SOX5: variants seen among roughly 807,000 people sequenced by gnomAD.
The protein encoded by SOX5 is SRY-box transcription factor 5.
SOX5 carries 9 observed loss-of-function variants against 92.0 expected under a neutral mutation model. The observed-to-expected ratio is 0.10, with a 90% CI of 0.06 to 0.17. The LOEUF (loss-of-function observed/expected upper bound fraction) is 0.17, where lower values mean the gene tolerates loss of function less well. Ranked by LOEUF, SOX5 falls within the 10% of genes least tolerant of loss-of-function variation. SOX5 has a pLI of 1.00. For synonymous variants in SOX5, 344 were observed against 336.3 expected (o/e 1.02, Z -0.25); for missense variants, 642 against 944.5 (o/e 0.68, Z 4.20).
chr12:23,847,782 G>C (rs138363850), intron 2 of SOX5, among the ~76,000 whole-genome samples: 1 of 151,980 alleles, frequency 6.6e-6, no homozygotes, highest in African/African-American at 2.4e-5. Flanking sequence ...ACTATGCCTT[G>C]AGTGAATATT....
intron 3 of SOX5, among the ~76,000 whole-genome samples, chr12:23,782,413 G>A (rs1481769614): frequency 2.0e-5 from 3 of 152,138 alleles, no homozygotes; most frequent in Admixed American, 6.5e-5. Context: ...CAGAATGACT[G>A]TGGAAACCTT....
At chr12:24,405,028 G>A (rs147675106) in intron 1 of SOX5, among the ~76,000 whole-genome samples, 47 of 152,222 alleles carry the variant, frequency 3.1e-4, no homozygotes, top group South Asian at 1.7e-3. Flanking sequence ...GAAGGGCCCA[G>A]AACAGATTCT....
At chr12:24,083,726 G>A (rs1943635786) in intron 4 of SOX5, among the ~76,000 whole-genome samples, 1 of 152,030 alleles carries the variant, frequency 6.6e-6, no homozygotes, top group Non-Finnish European at 1.5e-5. Context: ...GTTTGGGAAA[G>A]AGTAGAGGAG....
chr12:23,581,679 C>T (rs1286009610), intron 9 of SOX5, among the ~76,000 whole-genome samples: 1 of 151,862 alleles, frequency 6.6e-6, no homozygotes, highest in Non-Finnish European at 1.5e-5. Context: ...AACCAAAGGA[C>T]ATTTAGGCAT....
chr12:23,781,132 C>T (rs1275848743), intron 3 of SOX5, among the ~76,000 whole-genome samples: 1 of 152,054 alleles, frequency 6.6e-6, no homozygotes, highest in Admixed American at 6.6e-5. Flanking sequence ...CAACAGTCCC[C>T]ATATTTTGGA....
intron 2 of SOX5, among the ~76,000 whole-genome samples, chr12:24,336,392 C>T (rs1349813227): frequency 1.3e-5 from 2 of 152,092 alleles, no homozygotes; most frequent in Non-Finnish European, 2.9e-5. Flanking sequence ...CGCGTCCAGC[C>T]GGGTATATGG....
intron 6 of SOX5, among the ~76,000 whole-genome samples, chr12:23,666,111 ACT>A (rs1173152451): frequency 6.0e-5 from 9 of 149,682 alleles, no homozygotes; most frequent in Non-Finnish European, 1.2e-4. Flanking sequence ...CTAAAACTTT[ACT>A]CTTTTTTTTT....
intron 3 of SOX5, among the ~76,000 whole-genome samples, chr12:24,240,927 A>T (rs991163241): frequency 3.0e-4 from 45 of 152,346 alleles, no homozygotes; most frequent in African/African-American, 9.9e-4. Flanking sequence ...AATAATGTGT[A>T]ACTCAAATAT....
intron 1 of SOX5, among the ~76,000 whole-genome samples, chr12:23,923,429 C>A (rs1033477997): frequency 1.3e-5 from 2 of 152,188 alleles, no homozygotes; most frequent in South Asian, 4.1e-4. Context: ...GGTAGACAAA[C>A]AGCTAGATAA....
At chr12:24,548,447 G>A (rs975147890) in intron 1 of SOX5, among the ~76,000 whole-genome samples, 27 of 152,312 alleles carry the variant, frequency 1.8e-4, no homozygotes, top group African/African-American at 6.3e-4. Context: ...CGAGGGAGAA[G>A]CGTTGTACAA....
intron 6 of SOX5, among the ~76,000 whole-genome samples, chr12:23,672,899 A>G (rs1424915891): frequency 6.6e-6 from 1 of 152,142 alleles, no homozygotes; most frequent in Non-Finnish European, 1.5e-5. Context: ...AGTAAACTTT[A>G]TTTTCAAATC....
chr12:23,952,666 G>C (rs941165335), upstream of SOX5, among the ~76,000 whole-genome samples: 16 of 152,094 alleles, frequency 1.1e-4, no homozygotes, highest in African/African-American at 3.6e-4. Flanking sequence ...TGAAATAGAC[G>C]AGGAACTAGA....
intron 6 of SOX5, among the ~76,000 whole-genome samples, chr12:23,703,981 T>A (rs2091026235): frequency 6.6e-6 from 1 of 151,978 alleles, no homozygotes; most frequent in Non-Finnish European, 1.5e-5. Flanking sequence ...CAGTTAGAAA[T>A]AGATTGGGCA....
chr12:24,030,513 T>C (rs1185294863), intron 4 of SOX5, among the ~76,000 whole-genome samples: 5 of 151,816 alleles, frequency 3.3e-5, no homozygotes, highest in Admixed American at 3.3e-4. Flanking sequence ...GGAAATTAGA[T>C]CCTTATCTCA....
chr12:24,180,278 C>T (rs906230933), intron 4 of SOX5, among the ~76,000 whole-genome samples: 1 of 152,130 alleles, frequency 6.6e-6, no homozygotes, highest in Admixed American at 6.6e-5. Context: ...ACGGCTTCTC[C>T]CTCCATGTTC....
intron 1 of SOX5, among the ~76,000 whole-genome samples, chr12:24,408,252 T>A (rs1158913943): frequency 1.3e-5 from 2 of 152,124 alleles, no homozygotes; most frequent in African/African-American, 4.8e-5. Context: ...CTAGAACACT[T>A]TACAGAAAAT....
intron 4 of SOX5, among the ~76,000 whole-genome samples, chr12:24,163,069 C>G (rs1347657769): frequency 6.6e-6 from 1 of 152,108 alleles, no homozygotes; most frequent in African/African-American, 2.4e-5. Context: ...GCTATTTCAG[C>G]TGGTCTAAAG....
chr12:23,772,237 T>C (rs549940967), intron 3 of SOX5, among the ~76,000 whole-genome samples: 1 of 152,386 alleles, frequency 6.6e-6, no homozygotes, highest in East Asian at 1.9e-4. Flanking sequence ...GATGTCTTCA[T>C]CTTTGGCCCT....
intron 2 of SOX5, among the ~76,000 whole-genome samples, chr12:24,345,475 T>A (rs1953116377): frequency 6.6e-6 from 1 of 152,194 alleles, no homozygotes; most frequent in African/African-American, 2.4e-5. Flanking sequence ...TCTTGCTCTA[T>A]TGTTTCATGT....
Sources: allele counts gnomAD v4.1 joint callset (sites outside exome capture counted in the v4.1 genomes callset), GRCh38; gene constraint gnomAD v4.1.1; transcripts MANE v1.5; gene names NCBI Gene and HGNC (gene_info 2026-07-23, HGNC 2026-07-21).